TEAD1: variants seen among roughly 807,000 people sequenced by gnomAD.
TEAD1 encodes the protein TEA domain transcription factor 1, also known as transcriptional enhancer factor TEF-1.
In TEAD1, 9 loss-of-function variants were observed where a neutral mutation model predicts 54.9. The ratio of observed to expected loss-of-function variants is 0.16; its 90% CI spans 0.10 to 0.29. The LOEUF is 0.29. TEAD1 is among the 10% of genes least tolerant of loss of function. The pLI, the probability that TEAD1 is intolerant of heterozygous loss-of-function variation, is 1.00. For missense variants in TEAD1, 387 were observed against 535.9 expected (o/e 0.72, Z 2.74); for synonymous variants, 200 against 187.8 (o/e 1.07, Z -0.53).
intron 3 of TEAD1, among the ~76,000 whole-genome samples, chr11:12,856,582 C>A (rs1589929455): frequency 6.6e-6 from 1 of 152,246 alleles, no homozygotes; most frequent in East Asian, 1.9e-4. Flanking sequence ...TCTAGTAGTA[C>A]TACTGGGCTG....
intron 2 of TEAD1, among the ~76,000 whole-genome samples, chr11:12,688,414 T>C (rs1467423173): frequency 6.6e-6 from 1 of 152,210 alleles, no homozygotes; most frequent in Admixed American, 6.5e-5. Flanking sequence ...GTTTCTGGTG[T>C]CTCTCAGCTA....
intron 2 of TEAD1, among the ~76,000 whole-genome samples, chr11:12,690,821 G>A (rs1943442512): frequency 6.6e-6 from 1 of 152,208 alleles, no homozygotes; most frequent in African/African-American, 2.4e-5. Context: ...GCAGTGATGC[G>A]ATCCCGGCTT....
chr11:12,782,307 A>G (rs77978472), intron 3 of TEAD1, among the ~76,000 whole-genome samples: 3 of 152,326 alleles, frequency 2.0e-5, no homozygotes, highest in African/African-American at 7.2e-5. Flanking sequence ...ATGTACCACA[A>G]TATGGATGAC....
chr11:12,930,659 A>G (rs1390410763), intron 12 of TEAD1, among the ~76,000 whole-genome samples: 2 of 152,188 alleles, frequency 1.3e-5, no homozygotes, highest in Admixed American at 6.5e-5. Context: ...TGTATCCTAG[A>G]TCAATTAAAT....
intron 3 of TEAD1, among the ~76,000 whole-genome samples, chr11:12,817,627 A>G (rs1021766680): frequency 2.0e-5 from 3 of 152,174 alleles, no homozygotes; most frequent in Admixed American, 1.3e-4. Flanking sequence ...TCATAGTAAT[A>G]TAATTGATCC....
intron 3 of TEAD1, among the ~76,000 whole-genome samples, chr11:12,818,748 T>C (rs534165828): frequency 6.6e-6 from 1 of 152,364 alleles, no homozygotes; most frequent in Admixed American, 6.5e-5. Context: ...CCGCAGGTAC[T>C]TACAAGCTGG....
intron 2 of TEAD1, among the ~76,000 whole-genome samples, chr11:12,693,506 TA>T (rs1368078480): frequency 6.6e-6 from 1 of 152,216 alleles, no homozygotes; most frequent in African/African-American, 2.4e-5. Flanking sequence ...TTTTTACATC[TA>T]GGGGAATGAC....
Position 12,856,729 on chromosome 11 carries a change from C to T in TEAD1, c.203-5521C>T, listed in dbSNP as rs114247698. On this transcript the variant is annotated intron_variant, in intron 3 of 12. Transcript: ENST00000527636. ...GTGGAGAATCCTCACACATCCTTCCCAGTGAAGGGAAAGGGCCAGCAGATG... is the reference window on the plus strand; with the variant it reads ...GTGGAGAATCCTCACACATCCTTCCTAGTGAAGGGAAAGGGCCAGCAGATG... 8.6e-3 allele frequency among the ~76,000 whole-genome samples: 1,312 copies of T among 152,246 alleles called. 21 individuals are homozygous for T. Among genetic ancestry groups the T allele is most frequent in the African/African-American group, 0.03 (1,248 of 41,524 alleles).
intron 3 of TEAD1, chr11:12,823,806 A>T (rs759179212): frequency 2.6e-5 from 4 of 152,128 alleles, no homozygotes; most frequent in Non-Finnish European, 5.9e-5. Context: ...GGCAACTATT[A>T]TGTCCCAGGC....
chr11:12,702,766 T>C (rs140149436), intron 2 of TEAD1, among the ~76,000 whole-genome samples: 1 of 152,322 alleles, frequency 6.6e-6, no homozygotes, highest in Non-Finnish European at 1.5e-5. Flanking sequence ...TCCAATGCCA[T>C]TGTGTCTCAG....
Position 12,674,535 on chromosome 11 carries a change from G to T in TEAD1, c.-507G>T, listed in dbSNP as rs1190735502. The T allele has an allele frequency of 6.6e-6, 1 of 150,964 alleles. No individual in the cohort carries two copies. The highest frequency in any genetic ancestry group is 2.0e-4 in the East Asian group (1 of 5,080). 9.4% of individuals were successfully genotyped at this position (150,964 alleles called of 1,614,324 possible). ...GCCGCGGGCGCCCACCAAGCACTTT[G>T]CAGACTCGCTTCCACCCTGCGGGCC... On this transcript the variant is annotated 5_prime_UTR_variant, in exon 1 of 13. Transcript: ENST00000527636.
rs1388532896 is a variant in TEAD1 at position 12,940,161 on chromosome 11, A to AT, written c.*2940dup. 1.3e-5 allele frequency: 2 copies of AT among 152,220 alleles called. No homozygotes were observed. The highest frequency in any genetic ancestry group is 1.3e-4 in the Admixed American group (2 of 15,280). 9.4% of individuals were successfully genotyped at this position (152,220 alleles called of 1,614,324 possible). A position where few individuals can be genotyped will look rare whatever the true frequency, so the allele number is the denominator to read the frequency against. ...TTCATTTCCCTCATAGAGGCTGAGAATAAAACAAGGACTTATTCACACATG... is the reference window on the plus strand; with the variant it reads ...TTCATTTCCCTCATAGAGGCTGAGAATTAAAACAAGGACTTATTCACACATG... On this transcript the variant is annotated 3_prime_UTR_variant, in exon 13 of 13. Coordinates refer to ENST00000527636, the MANE Select transcript of TEAD1 (RefSeq NM_021961.6).
At chr11:12,864,171 G>A (rs890259592) in intron 4 of TEAD1, among the ~76,000 whole-genome samples, 3 of 151,844 alleles carry the variant, frequency 2.0e-5, no homozygotes, top group African/African-American at 7.3e-5. Context: ...ACAGAATCCA[G>A]AGCTCTTAAT....
intron 2 of TEAD1, among the ~76,000 whole-genome samples, chr11:12,763,355 A>G: frequency 6.6e-6 from 1 of 152,236 alleles, no homozygotes; most frequent in East Asian, 1.9e-4. Flanking sequence ...TCAATAGAGA[A>G]TATTTCCACA....
At chr11:12,921,760 G>A (rs1948811279) in intron 10 of TEAD1, among the ~76,000 whole-genome samples, 1 of 152,102 alleles carries the variant, frequency 6.6e-6, no homozygotes, top group South Asian at 2.1e-4. Context: ...GAGGTGTATG[G>A]TAGCCCCTCT....
At chr11:12,745,841 T>C (rs893665281) in intron 2 of TEAD1, among the ~76,000 whole-genome samples, 3 of 152,238 alleles carry the variant, frequency 2.0e-5, no homozygotes, top group Non-Finnish European at 4.4e-5. Context: ...ATGTGCCTGT[T>C]AGAGTTGGCT....
At chr11:12,935,858 T>A (rs1350817761) in intron 12 of TEAD1, among the ~76,000 whole-genome samples, 1 of 152,042 alleles carries the variant, frequency 6.6e-6, no homozygotes, top group Non-Finnish European at 1.5e-5. Flanking sequence ...CTGGGTGAGA[T>A]GGATATTAGA....
intron 10 of TEAD1, among the ~76,000 whole-genome samples, chr11:12,902,823 A>G (rs1246074096): frequency 6.6e-6 from 1 of 151,808 alleles, no homozygotes; most frequent in Non-Finnish European, 1.5e-5. Flanking sequence ...TGTCCAGTCT[A>G]TGCTCTGCCT....
At chr11:12,681,632 G>C (rs1219527587) in intron 2 of TEAD1, among the ~76,000 whole-genome samples, 2 of 152,198 alleles carry the variant, frequency 1.3e-5, no homozygotes, top group African/African-American at 4.8e-5. Flanking sequence ...TTAGTAGGTG[G>C]CTCAGTGGAA....
Sources: gnomAD v4.1 joint callset for allele counts (sites outside exome capture counted in the v4.1 genomes callset) on GRCh38, gnomAD v4.1.1 for gene constraint, MANE v1.5 for transcripts, NCBI Gene and HGNC (gene_info 2026-07-23, HGNC 2026-07-21) for gene names.